The following CNTNAP2 variants were observed in gnomAD, a reference collection of about 807,000 sequenced individuals.
CNTNAP2 encodes contactin associated protein 2, also known as contactin-associated protein-like 2.
In CNTNAP2, 98 loss-of-function variants were observed where a neutral mutation model predicts 155.2. The observed-to-expected ratio is 0.63, with a 90% CI of 0.54 to 0.75. CNTNAP2 has a LOEUF of 0.75. Ranked by LOEUF, CNTNAP2 falls within the 30% of genes least tolerant of loss-of-function variation. CNTNAP2 has a pLI of 0.00. For synonymous variants in CNTNAP2, 651 were observed against 631.2 expected, an observed-to-expected ratio of 1.03 and a Z score of -0.47; for missense variants, 1,727 against 1,688.1, an observed-to-expected ratio of 1.02 and a Z score of -0.40.
At chr7:148,009,398 C>T (rs1041724139) in intron 15 of CNTNAP2, among the ~76,000 whole-genome samples, 2 of 152,162 alleles carry the variant, frequency 1.3e-5, no homozygotes, top group East Asian at 3.8e-4. Context: ...TTAAGGCAAA[C>T]TGTCATAAGT....
chr7:146,981,908 TA>T (rs1798025695), intron 3 of CNTNAP2, among the ~76,000 whole-genome samples: 1 of 152,182 alleles, frequency 6.6e-6, no homozygotes, highest in Admixed American at 6.5e-5. Flanking sequence ...AGAACGCATA[TA>T]ATCTTCGTCA....
intron 11 of CNTNAP2, among the ~76,000 whole-genome samples, chr7:147,554,482 A>G (rs1258330136): frequency 6.6e-6 from 1 of 152,180 alleles, no homozygotes; most frequent in Admixed American, 6.5e-5. Flanking sequence ...GAGAGTAGAA[A>G]TGAAATAATA....
intron 12 of CNTNAP2, among the ~76,000 whole-genome samples, chr7:147,581,541 A>G (rs1279388994): frequency 2.0e-5 from 3 of 152,322 alleles, no homozygotes; most frequent in Non-Finnish European, 4.4e-5. Context: ...CCTGGAAATA[A>G]AGCCAATATA....
At chr7:147,557,280 A>C (rs987913331) in intron 11 of CNTNAP2, among the ~76,000 whole-genome samples, 7 of 152,016 alleles carry the variant, frequency 4.6e-5, no homozygotes, top group African/African-American at 1.7e-4. Flanking sequence ...AAAAAAAAAG[A>C]CATTTAGGAC....
chr7:147,837,632 C>T (rs762756073), intron 13 of CNTNAP2, among the ~76,000 whole-genome samples: 3 of 152,106 alleles, frequency 2.0e-5, no homozygotes, highest in Admixed American at 6.5e-5. Flanking sequence ...CCAGTAAAAC[C>T]AAAAGCAAGT....
chr7:147,793,614 G>A (rs918276631), intron 13 of CNTNAP2, among the ~76,000 whole-genome samples: 1 of 151,976 alleles, frequency 6.6e-6, no homozygotes, highest in Non-Finnish European at 1.5e-5. Flanking sequence ...TCCTCCAACT[G>A]TGTTTTTCTA....
chr7:146,740,470 C>T (rs1475461739), intron 1 of CNTNAP2, among the ~76,000 whole-genome samples: 1 of 152,010 alleles, frequency 6.6e-6, no homozygotes, highest in Non-Finnish European at 1.5e-5. Context: ...GTCACTGGCA[C>T]CTTAAAATAT....
At chr7:146,472,004 A>C (rs1796806194) in intron 1 of CNTNAP2, among the ~76,000 whole-genome samples, 1 of 152,204 alleles carries the variant, frequency 6.6e-6, no homozygotes, top group Non-Finnish European at 1.5e-5. Context: ...ATGTCCCCAA[A>C]GTAGTGAAAA....
At chr7:146,445,584 C>G (rs567284343) in intron 1 of CNTNAP2, among the ~76,000 whole-genome samples, 90 of 152,268 alleles carry the variant, frequency 5.9e-4, no homozygotes, top group African/African-American at 1.9e-3. Context: ...AATCAAATAA[C>G]TGAAGAGAGG....
chr7:148,418,481 G>A lies in CNTNAP2; in HGVS notation c.*2865G>A, dbSNP rs1051740191. On this transcript the variant is annotated 3_prime_UTR_variant, in exon 24 of 24. Coordinates refer to ENST00000361727, the MANE Select transcript of CNTNAP2 (RefSeq NM_014141.6). ...AGACTGTTTTAAAGTTTCAGGGAAA[G>A]TTGGTGGCTGATTTAAAGTTGTGCA... 6.6e-6 allele frequency: 1 copy of A among 151,774 alleles called. No homozygotes were observed. The highest frequency in any genetic ancestry group is 1.5e-5 in the Non-Finnish European group (1 of 68,038). The allele number at this position is 151,774 out of a possible 1,614,324, so 9.4% of individuals were successfully genotyped here. A position where few individuals can be genotyped will look rare whatever the true frequency, so the allele number is the denominator to read the frequency against.
intron 21 of CNTNAP2, among the ~76,000 whole-genome samples, chr7:148,270,141 T>C (rs1297385453): frequency 6.6e-6 from 1 of 152,306 alleles, no homozygotes; most frequent in East Asian, 1.9e-4. Context: ...AATTCCAATA[T>C]ACTGTATGGC....
rs921462775 is a variant in CNTNAP2, at chr7:147,289,541, T to C, written c.1349-10600T>C. Among the ~76,000 whole-genome samples the C allele has an allele frequency of 5.9e-5, 9 of 152,158 alleles. 1 individual carries two copies. The highest frequency in any genetic ancestry group is 4.6e-4 in the Admixed American group (7 of 15,272). Reference sequence around the variant, plus strand: ...CATCTGCCAAAAGTGATAAGATTAATGAAAATGGCTCCTTGTATAAACATA... The same window carrying C: ...CATCTGCCAAAAGTGATAAGATTAACGAAAATGGCTCCTTGTATAAACATA... On this transcript the variant is annotated intron_variant, in intron 8 of 23. Coordinates refer to ENST00000361727, the MANE Select transcript of CNTNAP2 (RefSeq NM_014141.6).
chr7:147,168,734 C>T (rs1401917611), intron 8 of CNTNAP2, among the ~76,000 whole-genome samples: 1 of 152,012 alleles, frequency 6.6e-6, no homozygotes, highest in Non-Finnish European at 1.5e-5. Context: ...TATCTTTTCC[C>T]TAATTGTTAT....
At chr7:147,588,078 T>C (rs1800666642) in intron 12 of CNTNAP2, among the ~76,000 whole-genome samples, 1 of 152,146 alleles carries the variant, frequency 6.6e-6, no homozygotes, top group African/African-American at 2.4e-5. Flanking sequence ...AGCAGGTTAC[T>C]CAGAACTATT....
chr7:147,015,845 A>G (rs17221522), intron 3 of CNTNAP2, among the ~76,000 whole-genome samples: 1,741 of 152,194 alleles, frequency 0.011, 28 homozygotes, highest in Non-Finnish European at 0.014. Flanking sequence ...ACATTGGCAC[A>G]TGGCTCCCAG....
Position 148,409,472 on chromosome 7 carries a change from G to A in CNTNAP2, c.3796+1G>A, listed in dbSNP as rs754357681. 3.7e-6 allele frequency: 6 copies of A among 1,613,494 alleles called. No homozygotes were observed. Among genetic ancestry groups the A allele is most frequent in the Non-Finnish European group, 5.1e-6 (6 of 1,179,466 alleles). On this transcript the variant is annotated splice_donor_variant, in intron 23 of 23. Coordinates refer to ENST00000361727, the MANE Select transcript of CNTNAP2 (RefSeq NM_014141.6). LOFTEE classifies it high-confidence loss of function. Reference sequence around the variant, plus strand: ...AACAGAAACTCGGCTATCATTGGAGGTAGGTGATGTCTAGAGGAGGCTTAT... The same window carrying A: ...AACAGAAACTCGGCTATCATTGGAGATAGGTGATGTCTAGAGGAGGCTTAT...
chr7:148,389,241 TGTGGGAGGGACCTG>T (rs1181212404), intron 22 of CNTNAP2, among the ~76,000 whole-genome samples: 3 of 152,228 alleles, frequency 2.0e-5, no homozygotes, highest in African/African-American at 7.2e-5. Flanking sequence ...TCCCATGTGT[TGTGGGAGGGACCTG>T]GTGGGAGGTA....
chr7:147,167,302 ACTT>A (rs776590991), intron 8 of CNTNAP2: 34 of 447,186 alleles, frequency 7.6e-5, no homozygotes, highest in Non-Finnish European at 1.3e-4. Context: ...ATCACTGTAA[ACTT>A]CTTGACAAGA....
intron 11 of CNTNAP2, among the ~76,000 whole-genome samples, chr7:147,529,280 C>T (rs1584793922): frequency 6.6e-6 from 1 of 152,166 alleles, no homozygotes; most frequent in South Asian, 2.1e-4. Context: ...TATACCTGTT[C>T]TGGTGATTCA....
Sources: gnomAD v4.1 joint callset for allele counts (sites outside exome capture counted in the v4.1 genomes callset) on GRCh38, gnomAD v4.1.1 for gene constraint, MANE v1.5 for transcripts, NCBI Gene and HGNC (gene_info 2026-07-23, HGNC 2026-07-21) for gene names.